The following SNX13 variants were observed in gnomAD, a reference collection of about 807,000 sequenced individuals.
SNX13 encodes sorting nexin 13.
In SNX13, 45 loss-of-function variants were observed where a neutral mutation model predicts 133.6. The ratio of observed to expected loss-of-function variants is 0.34; its 90% CI spans 0.27 to 0.43. The LOEUF (loss-of-function observed/expected upper bound fraction) is 0.43, where lower values mean the gene tolerates loss of function less well. SNX13 is among the 20% of genes least tolerant of loss of function. The pLI is 1.00. For missense variants in SNX13, 1,032 were observed against 1,145.1 expected (o/e 0.90, Z 1.43); for synonymous variants, 414 against 373.9 (o/e 1.11, Z -1.24).
intron 8 of SNX13, among the ~76,000 whole-genome samples, chr7:17,869,294 G>C (rs1166188660): frequency 2.6e-5 from 4 of 151,882 alleles, no homozygotes; most frequent in Admixed American, 6.6e-5. Flanking sequence ...CTTATCTACT[G>C]AATTATTTAT....
intron 25 of SNX13, 134 bp from the exon 26 acceptor site, chr7:17,794,426 A>G: frequency 9.0e-7 from 1 of 1,106,386 alleles, no homozygotes; most frequent in South Asian, 1.7e-5. Flanking sequence ...CATTTCAGCT[A>G]TGTACTATAG....
At position 17,792,093 on chromosome 7, in the gene SNX13, T is replaced by A. The variant is rs559564765; in HGVS notation, c.*1952A>T. On this transcript the variant is annotated 3_prime_UTR_variant, in exon 26 of 26. Coordinates refer to ENST00000428135, the MANE Select transcript of SNX13 (RefSeq NM_015132.5). ...GAAATGCTTTTTCACATGTACACGT[T>A]AGGGTCTTACATGAATTATTCTGTA... The A allele has an allele frequency of 6.6e-6, 1 of 152,060 alleles. No homozygotes were observed. Among genetic ancestry groups the A allele is most frequent in the Non-Finnish European group, 1.5e-5 (1 of 67,930 alleles). The allele number at this position is 152,060 out of a possible 1,614,324, so 9.4% of individuals were successfully genotyped here.
At chr7:17,837,245 T>C (rs1252829408) in intron 13 of SNX13, among the ~76,000 whole-genome samples, 4 of 151,990 alleles carry the variant, frequency 2.6e-5, no homozygotes, top group Non-Finnish European at 5.9e-5. Context: ...AAGCACCTGG[T>C]TCAGCCACCC....
intron 5 of SNX13, among the ~76,000 whole-genome samples, chr7:17,886,972 A>C (rs1296593815): frequency 1.6e-4 from 23 of 139,642 alleles, no homozygotes; most frequent in Non-Finnish European, 3.5e-4. Flanking sequence ...CTTGCTCTAC[A>C]AAAAAAAAAA....
In SNX13 at chr7:17,891,533, C is replaced by T. The variant is rs750390918; in HGVS notation, c.318+13G>A. On this transcript the variant is annotated intron_variant, in intron 4 of 25. Coordinates refer to ENST00000428135, the MANE Select transcript of SNX13 (RefSeq NM_015132.5). ...CAATATATAGAATTCAAATACCACA[C>T]GCTGAAACTCACTTGCTGGAGAGGT... 12 of 1,594,270 alleles carry T rather than the reference C, an allele frequency of 7.5e-6. No individual in the cohort carries two copies. The highest frequency in any genetic ancestry group is 3.4e-4 in the Middle Eastern group (2 of 5,966).
intron 11 of SNX13, among the ~76,000 whole-genome samples, chr7:17,848,669 G>C (rs1348873922): frequency 2.6e-5 from 4 of 152,206 alleles, no homozygotes; most frequent in Non-Finnish European, 5.9e-5. Flanking sequence ...TCTCGCGAGG[G>C]GTGGAATACA....
At chr7:17,898,940 G>A (rs1038908958) in intron 1 of SNX13, 8 of 152,128 alleles carry the variant, frequency 5.3e-5, no homozygotes, top group Non-Finnish European at 1.0e-4. Flanking sequence ...GCCTGCTAAC[G>A]AAGTTTCTGC....
chr7:17,811,377 T>C (rs1376994289), intron 20 of SNX13, among the ~76,000 whole-genome samples: 4 of 152,180 alleles, frequency 2.6e-5, no homozygotes, highest in Non-Finnish European at 1.5e-5. Context: ...AGCCAAATCA[T>C]GAGTGAACTC....
At chr7:17,864,549 C>T (rs919257913) in intron 9 of SNX13, among the ~76,000 whole-genome samples, 2 of 151,862 alleles carry the variant, frequency 1.3e-5, no homozygotes, top group East Asian at 1.9e-4. Flanking sequence ...GATTTATTGG[C>T]CTTAAAGAGG....
In SNX13 at chr7:17,814,852, T is replaced by C; in HGVS notation, c.2046A>G (p.Lys682=). 1.3e-6 allele frequency: 2 copies of C among 1,545,176 alleles called. No individual in the cohort carries two copies. The highest frequency in any genetic ancestry group is 2.1e-5 in the Admixed American group (1 of 47,178). ...TACTTACCTTGCGAGCAAAATCCCC[T>C]TTTCCTTTACTGTAGGCTTTGTTCT... is the stretch of plus-strand genomic sequence containing the variant. ...FLENKAYSKG[K]GDFARKMDTF... The change falls in exon 20 of 26, where the codon AAA becomes AAG. Residue 682 remains lysine, a synonymous_variant. Transcript: ENST00000428135.
intron 9 of SNX13, among the ~76,000 whole-genome samples, chr7:17,866,235 T>TA (rs1158049037): frequency 6.6e-6 from 1 of 150,852 alleles, no homozygotes; most frequent in Non-Finnish European, 1.5e-5. Context: ...ATTTGCAAGC[T>TA]ACTCATGTGA....
intron 20 of SNX13, among the ~76,000 whole-genome samples, chr7:17,805,651 T>C (rs1461508654): frequency 1.3e-5 from 2 of 152,228 alleles, no homozygotes; most frequent in East Asian, 1.9e-4. Context: ...CAGCAGAAAC[T>C]TGAGTTTACC....
At chr7:17,861,426 G>A (rs1417486377) in intron 9 of SNX13, among the ~76,000 whole-genome samples, 1 of 151,706 alleles carries the variant, frequency 6.6e-6, no homozygotes, top group East Asian at 1.9e-4. Flanking sequence ...ACCAGGAAGA[G>A]GCAATTTCCT....
At position 17,909,039 on chromosome 7, in the gene SNX13, C is replaced by T. The variant is rs138210133; in HGVS notation, c.13-11593G>A. Among the ~76,000 whole-genome samples the T allele has an allele frequency of 1.6e-4, 24 of 151,828 alleles. 1 individual carries two copies. In the East Asian group the frequency reaches 3.9e-3, roughly 25 times the overall value. ...GATGTTCTGTGTGTTAAAAGAAAGC[C>T]CTTAAACAAACAAAAGACATGAAGA... On this transcript the variant is annotated intron_variant, in intron 1 of 25. Transcript: ENST00000428135.
chr7:17,833,361 G>A (rs76119315), intron 15 of SNX13, among the ~76,000 whole-genome samples: 8 of 151,498 alleles, frequency 5.3e-5, no homozygotes, highest in African/African-American at 1.2e-4. Context: ...AATGACTAAC[G>A]TAAGATATTA....
intron 20 of SNX13, 148 bp downstream of exon 20, chr7:17,814,686 C>T: frequency 1.8e-6 from 1 of 569,730 alleles, no homozygotes. Context: ...GTAGATATTC[C>T]TACCAATAGT....
intron 9 of SNX13, among the ~76,000 whole-genome samples, chr7:17,867,251 A>C (rs1791609459): frequency 6.6e-6 from 1 of 152,180 alleles, no homozygotes; most frequent in Non-Finnish European, 1.5e-5. Flanking sequence ...CACAATTAAT[A>C]ACAACTTTTG....
chr7:17,911,454 C>G (rs1001313385), intron 1 of SNX13, among the ~76,000 whole-genome samples: 1 of 152,006 alleles, frequency 6.6e-6, no homozygotes, highest in African/African-American at 2.4e-5. Context: ...GACTGGCCAA[C>G]ATGGTGAAAC....
intron 1 of SNX13, among the ~76,000 whole-genome samples, chr7:17,937,032 AAC>A (rs1476764607): frequency 1.6e-3 from 236 of 150,940 alleles, no homozygotes; most frequent in African/African-American, 5.3e-3. Context: ...AAAAAAAAAA[AAC>A]TAGCTAGACG....
Sources: allele counts gnomAD v4.1 joint callset (sites outside exome capture counted in the v4.1 genomes callset), GRCh38; gene constraint gnomAD v4.1.1; transcripts MANE v1.5; gene names NCBI Gene and HGNC (gene_info 2026-07-23, HGNC 2026-07-21).